ANXA10: variants seen among roughly 807,000 people sequenced by gnomAD.
ANXA10 encodes the protein annexin 14.
A neutral mutation model predicts 53.5 loss-of-function variants in ANXA10; 49 were observed. That is an observed-to-expected ratio of 0.92 (90% CI 0.73 to 1.16). ANXA10 has a LOEUF of 1.16. Ranked by LOEUF, ANXA10 falls within the 50% of genes most tolerant of loss-of-function variation. The pLI, the probability that ANXA10 is intolerant of heterozygous loss-of-function variation, is 0.00. For missense variants in ANXA10, 393 were observed against 394.4 expected (o/e 1.00, Z 0.03); for synonymous variants, 131 against 128.9 (o/e 1.02, Z -0.11).
intron 1 of ANXA10, among the ~76,000 whole-genome samples, chr4:168,105,830 T>A (rs577640727): frequency 6.6e-6 from 1 of 152,300 alleles, no homozygotes; most frequent in South Asian, 2.1e-4. Context: ...TGAGATGATA[T>A]CTTATTGTGG....
intron 3 of ANXA10, among the ~76,000 whole-genome samples, chr4:168,156,183 T>A (rs1346659065): frequency 4.4e-5 from 2 of 45,204 alleles, no homozygotes; most frequent in African/African-American, 1.0e-4. Context: ...ATATTATATA[T>A]TATATATTAT....
At chr4:168,140,775 C>T (rs1373644012) in intron 3 of ANXA10, among the ~76,000 whole-genome samples, 4 of 151,834 alleles carry the variant, frequency 2.6e-5, no homozygotes, top group Non-Finnish European at 4.4e-5. Flanking sequence ...TGCGTCACCA[C>T]GCCCAGCTAA....
At chr4:168,151,944 G>A (rs1257702032) in intron 3 of ANXA10, among the ~76,000 whole-genome samples, 1 of 152,094 alleles carries the variant, frequency 6.6e-6, no homozygotes, top group Non-Finnish European at 1.5e-5. Context: ...ACAAATAATT[G>A]TTGAACTACA....
chr4:168,150,281 C>A (rs1342743341), intron 3 of ANXA10, among the ~76,000 whole-genome samples: 1 of 152,110 alleles, frequency 6.6e-6, no homozygotes, highest in African/African-American at 2.4e-5. Flanking sequence ...AAACAAAAAA[C>A]CCCAAATTTC....
chr4:168,146,044 G>A (rs1481253533), intron 3 of ANXA10, among the ~76,000 whole-genome samples: 1 of 152,000 alleles, frequency 6.6e-6, no homozygotes, highest in Non-Finnish European at 1.5e-5. Context: ...GAGTAGCTGG[G>A]ATTACAGGTG....
intron 6 of ANXA10, among the ~76,000 whole-genome samples, chr4:168,169,985 G>GA (rs1403199472): frequency 1.3e-5 from 2 of 152,094 alleles, no homozygotes; most frequent in Admixed American, 1.3e-4. Flanking sequence ...AATCACAAGT[G>GA]AAAAAATAAT....
chr4:168,162,887 G>T (rs1243795340), intron 4 of ANXA10, among the ~76,000 whole-genome samples: 1 of 152,294 alleles, frequency 6.6e-6, no homozygotes, highest in Non-Finnish European at 1.5e-5. Context: ...CAAACTTACT[G>T]AGCCAGCCCC....
intron 11 of ANXA10, among the ~76,000 whole-genome samples, chr4:168,185,421 C>A (rs895281947): frequency 1.3e-5 from 2 of 152,300 alleles, no homozygotes; most frequent in South Asian, 2.1e-4. Flanking sequence ...AGTCAAATAT[C>A]ATAAACTGCT....
chr4:168,117,684 G>C (rs959570961), intron 1 of ANXA10, among the ~76,000 whole-genome samples: 2 of 152,126 alleles, frequency 1.3e-5, no homozygotes, highest in Admixed American at 1.3e-4. Context: ...AAACATCACC[G>C]AAGTTCTAAA....
At chr4:168,154,734 A>G (rs1206407600) in intron 3 of ANXA10, among the ~76,000 whole-genome samples, 1 of 152,180 alleles carries the variant, frequency 6.6e-6, no homozygotes, top group Non-Finnish European at 1.5e-5. Context: ...TTGGTCGCAT[A>G]TAATTAGTGG....
intron 6 of ANXA10, among the ~76,000 whole-genome samples, chr4:168,172,786 A>AT (rs34280639): frequency 1.2e-3 from 165 of 133,680 alleles, no homozygotes; most frequent in East Asian, 4.7e-3. Flanking sequence ...GTATGTTGCC[A>AT]TTTTTTTTTT....
intron 1 of ANXA10, among the ~76,000 whole-genome samples, chr4:168,109,484 A>C (rs889186763): frequency 2.0e-5 from 3 of 152,184 alleles, no homozygotes; most frequent in Non-Finnish European, 4.4e-5. Flanking sequence ...ATTTGGACTT[A>C]AGTACATGTT....
intron 1 of ANXA10, among the ~76,000 whole-genome samples, chr4:168,102,991 G>A (rs563856749): frequency 6.6e-6 from 1 of 152,088 alleles, no homozygotes; most frequent in Admixed American, 6.6e-5. Flanking sequence ...CATTGTGAAT[G>A]TGTTTGTTTA....
intron 1 of ANXA10, among the ~76,000 whole-genome samples, chr4:168,096,911 C>CATATATATATATATATATATGT (rs35451323): frequency 9.1e-6 from 1 of 109,666 alleles, no homozygotes; most frequent in Non-Finnish European, 1.7e-5. Context: ...AATACAAATG[C>CATATATATATATATATATATGT]ATATATATAT....
chr4:168,111,788 C>A (rs2149466411), intron 1 of ANXA10, among the ~76,000 whole-genome samples: 1 of 152,136 alleles, frequency 6.6e-6, no homozygotes, highest in African/African-American at 2.4e-5. Context: ...TTATTTGGGG[C>A]ACAGATATGT....
At chr4:168,123,643 C>T (rs915071192) in intron 1 of ANXA10, among the ~76,000 whole-genome samples, 2 of 152,060 alleles carry the variant, frequency 1.3e-5, no homozygotes, top group African/African-American at 4.8e-5. Context: ...AACAGAGACC[C>T]CCAAATGTAG....
intron 5 of ANXA10, among the ~76,000 whole-genome samples, chr4:168,164,678 T>G (rs1393255274): frequency 1.3e-5 from 2 of 152,196 alleles, no homozygotes; most frequent in African/African-American, 4.8e-5. Flanking sequence ...TCGCTTTACA[T>G]AAATTTCACA....
chr4:168,156,365 A>T (rs1731680445), intron 3 of ANXA10, among the ~76,000 whole-genome samples: 1 of 110,140 alleles, frequency 9.1e-6, no homozygotes, highest in Non-Finnish European at 1.7e-5. Context: ...TATATTATAT[A>T]GTATATATAA....
At position 168,123,388 on chromosome 4, in the gene ANXA10, G is replaced by A. The variant is rs1265479785; in HGVS notation, c.19-4696G>A. 5.3e-5 allele frequency among the ~76,000 whole-genome samples: 8 copies of A among 152,148 alleles called. No individual in the cohort carries two copies. The East Asian group carries it at 1.5e-3, about 29-fold the overall frequency. ...TCCAAATATATCATGGATAAGTGGG[G>A]ATTTATATTCAAGGGAGGCAGTCTG... On this transcript the variant is annotated intron_variant, in intron 1 of 11. Coordinates refer to ENST00000359299, the MANE Select transcript of ANXA10 (RefSeq NM_007193.5).
Sources: allele counts gnomAD v4.1 joint callset (sites outside exome capture counted in the v4.1 genomes callset), GRCh38; gene constraint gnomAD v4.1.1; transcripts MANE v1.5; gene names NCBI Gene and HGNC (gene_info 2026-07-23, HGNC 2026-07-21).